The following RPS24 variants were observed in gnomAD, a reference collection of about 807,000 sequenced individuals.
The protein encoded by RPS24 is ribosomal protein S24, also known as small ribosomal subunit protein eS24.
For missense variants in RPS24, 100 were observed against 162.5 expected (o/e 0.62, Z 2.09); for synonymous variants, 72 against 55.6 (o/e 1.30, Z -1.31).
At chr10:78,040,819 A>G, downstream of RPS24, 1 of 718,192 alleles carries the variant, frequency 1.4e-6, no homozygotes, top group Non-Finnish European at 2.4e-6. Flanking sequence ...ACTTAATGTC[A>G]TGGGGTGGTG....
At chr10:78,037,329 G>T in intron 4 of RPS24, 25 bp downstream of exon 4, 1 of 1,572,366 alleles carries the variant, frequency 6.4e-7, no homozygotes, top group Non-Finnish European at 8.6e-7. Context: ...GGAAAATATA[G>T]AAACGTCATT....
intron 4 of RPS24, chr10:78,039,304 G>C (rs987257491): frequency 6.6e-6 from 1 of 152,196 alleles, no homozygotes; most frequent in Non-Finnish European, 1.5e-5. Flanking sequence ...TTAACACATT[G>C]ATTGTTCTCT....
chr10:78,052,768 A>G (rs1209770784), intron 4 of RPS24, among the ~76,000 whole-genome samples: 2 of 152,198 alleles, frequency 1.3e-5, no homozygotes, highest in Admixed American at 6.5e-5. Context: ...GTCAAGGGCT[A>G]TCATGTGAAA....
At chr10:78,047,242 AG>A (rs1309723440) in intron 4 of RPS24, among the ~76,000 whole-genome samples, 1 of 151,902 alleles carries the variant, frequency 6.6e-6, no homozygotes, top group Non-Finnish European at 1.5e-5. Context: ...CTGGGATTAT[AG>A]GTGTGAGCCA....
intron 4 of RPS24, among the ~76,000 whole-genome samples, chr10:78,052,849 C>T (rs983937707): frequency 2.6e-5 from 4 of 152,066 alleles, no homozygotes; most frequent in African/African-American, 7.2e-5. Flanking sequence ...GGATAGCAGG[C>T]AGTTTTTAAA....
intron 4 of RPS24, chr10:78,038,179 A>C (rs1263201402): frequency 3.8e-6 from 1 of 265,198 alleles, no homozygotes; most frequent in Non-Finnish European, 7.6e-6. Flanking sequence ...ATGTTTTAAG[A>C]TAGTATATTA....
chr10:78,046,934 C>T (rs755725441), intron 4 of RPS24, among the ~76,000 whole-genome samples: 3 of 151,962 alleles, frequency 2.0e-5, no homozygotes, highest in Non-Finnish European at 4.4e-5. Context: ...TTCTTGGGCT[C>T]CACCCTAGAA....
downstream of RPS24, among the ~76,000 whole-genome samples, chr10:78,041,144 G>C (rs182485922): frequency 1.1e-3 from 167 of 152,254 alleles, no homozygotes; most frequent in African/African-American, 3.8e-3. Flanking sequence ...AGTCTAAAAA[G>C]TACCATGTCT....
downstream of RPS24, among the ~76,000 whole-genome samples, chr10:78,043,524 G>A (rs538491872): frequency 6.6e-6 from 1 of 152,268 alleles, no homozygotes; most frequent in Admixed American, 6.5e-5. Context: ...CTGCCAGCAG[G>A]GTGCCAGTTG....
downstream of RPS24, among the ~76,000 whole-genome samples, chr10:78,043,807 C>T (rs1259761379): frequency 6.6e-6 from 1 of 152,146 alleles, no homozygotes; most frequent in Non-Finnish European, 1.5e-5. Context: ...CAGCAGTCCC[C>T]ACCTATCTAG....
chr10:78,045,106 G>C (rs1848029726), downstream of RPS24, among the ~76,000 whole-genome samples: 1 of 151,978 alleles, frequency 6.6e-6, no homozygotes, highest in African/African-American at 2.4e-5. Flanking sequence ...CTCTGCCTCA[G>C]CTTCCCGAGT....
chr10:78,037,976 C>A, intron 4 of RPS24: 1 of 1,250,324 alleles, frequency 8.0e-7, no homozygotes, highest in Non-Finnish European at 1.0e-6. Flanking sequence ...AATGAAGTGT[C>A]TAGCAGGTAC....
In RPS24 at chr10:78,037,550, T is replaced by C. The variant is rs1416794822; in HGVS notation, c.390+246T>C. ...ACAATCTGGAGGCCACATTGGTTCA[T>C]TGATCCCAGCTGGTGGGCACCTTTC... is the stretch of plus-strand genomic sequence containing the variant. On this transcript the variant is annotated intron_variant, in intron 4 of 5. Transcript: ENST00000372360. The C allele has an allele frequency of 7.6e-6, 4 of 523,378 alleles. No homozygotes were observed. In the East Asian group the frequency reaches 1.2e-4, roughly 15 times the overall value. 32.4% of individuals were successfully genotyped at this position (523,378 alleles called of 1,614,324 possible).
intron 3 of RPS24, 50 bp downstream of exon 3, chr10:78,035,770 A>G (rs1462197735): frequency 6.2e-6 from 9 of 1,459,232 alleles, no homozygotes; most frequent in South Asian, 3.4e-5. Context: ...TATTTTTTCA[A>G]TAGCGTTGTG....
intron 4 of RPS24, among the ~76,000 whole-genome samples, chr10:78,050,821 A>G (rs1241592400): frequency 6.6e-6 from 1 of 151,940 alleles, no homozygotes; most frequent in African/African-American, 2.4e-5. Flanking sequence ...CAGAGTCTCT[A>G]CATTATGTTG....
chr10:78,051,722 C>T (rs1415499051), intron 4 of RPS24, among the ~76,000 whole-genome samples: 1 of 152,194 alleles, frequency 6.6e-6, no homozygotes, highest in South Asian at 2.1e-4. Flanking sequence ...CTTCCTGACA[C>T]TTGTTATTAT....
At position 78,037,305 on chromosome 10, in the gene RPS24, G is replaced by GTA. The variant is rs750156207; in HGVS notation, c.390+4_390+5dup. ...GGCCAATGTTGGTGCTGGCAAAAAG[G>GTA]TATAGTTCATTAAGGAAAATATAGA... On this transcript the variant is annotated splice_donor_variant, in intron 4 of 5. Coordinates refer to ENST00000372360, the MANE Select transcript of RPS24 (RefSeq NM_033022.4). LOFTEE classifies it high-confidence loss of function. 2 of 1,594,490 alleles carry GTA rather than the reference G, an allele frequency of 1.3e-6. No homozygotes were observed. Among genetic ancestry groups the GTA allele is most frequent in the Admixed American group, 3.5e-5 (2 of 56,800 alleles).
chr10:78,042,392 G>T (rs1254638464), downstream of RPS24, among the ~76,000 whole-genome samples: 5 of 152,192 alleles, frequency 3.3e-5, no homozygotes, highest in Non-Finnish European at 7.3e-5. Context: ...GGGCTCCCAA[G>T]GGTATCTGCT....
chr10:78,040,164 TC>T (rs1275995930), intron 4 of RPS24, 39 bp from the exon 5 acceptor site: 1 of 1,603,964 alleles, frequency 6.2e-7, no homozygotes, highest in Admixed American at 1.7e-5. Context: ...ATCTTTCTTT[TC>T]CCTCCTTTCT....
Sources: allele counts gnomAD v4.1 joint callset (sites outside exome capture counted in the v4.1 genomes callset), GRCh38; gene constraint gnomAD v4.1.1; transcripts MANE v1.5; gene names NCBI Gene and HGNC (gene_info 2026-07-23, HGNC 2026-07-21).